The following VSNL1 variants were observed in gnomAD, a reference collection of about 807,000 sequenced individuals.
The protein encoded by VSNL1 is visinin like 1.
VSNL1 carries 6 observed loss-of-function variants against 20.4 expected under a neutral mutation model. The observed-to-expected ratio is 0.29, with a 90% CI of 0.16 to 0.58. The LOEUF (loss-of-function observed/expected upper bound fraction) is 0.58, where lower values mean the gene tolerates loss of function less well. VSNL1 is among the 20% of genes least tolerant of loss of function. The probability of loss-of-function intolerance (pLI) is 0.90; values close to 1 mark genes in which losing one functional copy is unlikely to be tolerated. For missense variants in VSNL1, 100 were observed against 234.5 expected (o/e 0.43, Z 3.75); for synonymous variants, 93 against 86.4 (o/e 1.08, Z -0.42).
chr2:17,603,678 T>C (rs1006585815), intron 2 of VSNL1, among the ~76,000 whole-genome samples: 4 of 152,160 alleles, frequency 2.6e-5, no homozygotes, highest in African/African-American at 9.7e-5. Flanking sequence ...AGGTCCTGAA[T>C]GTGGTATACA....
chr2:17,571,684 T>G (rs1452382832), intron 1 of VSNL1, among the ~76,000 whole-genome samples: 1 of 152,206 alleles, frequency 6.6e-6, no homozygotes, highest in Non-Finnish European at 1.5e-5. Flanking sequence ...GGAGCTTACA[T>G]TCTAGTGAAA....
intron 2 of VSNL1, among the ~76,000 whole-genome samples, chr2:17,642,784 C>A (rs924115367): frequency 4.6e-5 from 7 of 152,306 alleles, no homozygotes; most frequent in Admixed American, 1.3e-4. Flanking sequence ...TTATCTTGTC[C>A]CGGGAGGCGA....
chr2:17,571,536 A>G (rs1460721810), intron 1 of VSNL1, among the ~76,000 whole-genome samples: 1 of 152,220 alleles, frequency 6.6e-6, no homozygotes, highest in Non-Finnish European at 1.5e-5. Flanking sequence ...AGTCATCACT[A>G]TCAAGATAGC....
chr2:17,554,478 G>C (rs957567711), intron 1 of VSNL1, among the ~76,000 whole-genome samples: 3 of 152,176 alleles, frequency 2.0e-5, no homozygotes, highest in African/African-American at 7.2e-5. Context: ...TCTAGGATTA[G>C]ATAGAAGTAC....
intron 2 of VSNL1, among the ~76,000 whole-genome samples, chr2:17,601,898 C>A (rs191441251): frequency 2.6e-5 from 4 of 151,004 alleles, no homozygotes; most frequent in Non-Finnish European, 5.9e-5. Flanking sequence ...ATTGTGCCAC[C>A]GCACTCCAGC....
chr2:17,579,202 G>A (rs1193668648), intron 1 of VSNL1, among the ~76,000 whole-genome samples: 3 of 151,480 alleles, frequency 2.0e-5, no homozygotes, highest in Admixed American at 1.3e-4. Context: ...TGCAAGCTCC[G>A]CCTCCCGGGT....
intron 1 of VSNL1, among the ~76,000 whole-genome samples, chr2:17,566,726 T>G (rs1036825105): frequency 1.3e-5 from 2 of 152,194 alleles, no homozygotes; most frequent in East Asian, 3.8e-4. Flanking sequence ...TAGTTGGATT[T>G]ATCAACCTCT....
At chr2:17,594,495 A>C (rs1254156482) in intron 2 of VSNL1, among the ~76,000 whole-genome samples, 1 of 152,240 alleles carries the variant, frequency 6.6e-6, no homozygotes, top group African/African-American at 2.4e-5. Flanking sequence ...GGCCCAGAAG[A>C]TGGGCTGATG....
chr2:17,623,903 G>A (rs1321188796), intron 2 of VSNL1, among the ~76,000 whole-genome samples: 7 of 152,260 alleles, frequency 4.6e-5, no homozygotes, highest in African/African-American at 1.7e-4. Context: ...ACTGTTAATT[G>A]ATTCCCTGGT....
At position 17,579,122 on chromosome 2, in the gene VSNL1, A is replaced by AT. The variant is rs1259773050; in HGVS notation, c.-5-12937dup. 4.4e-3 allele frequency among the ~76,000 whole-genome samples: 624 copies of AT among 140,316 alleles called. 2 individuals carry two copies. The highest frequency in any genetic ancestry group is 8.5e-3 in the South Asian group (38 of 4,446). 92.1% of individuals were successfully genotyped at this position (140,316 alleles called of 152,430 possible). On this transcript the variant is annotated intron_variant, in intron 1 of 3. Coordinates refer to ENST00000295156, the MANE Select transcript of VSNL1 (RefSeq NM_003385.5). Reference sequence around the variant, plus strand: ...CTTCTTTCTTTCTTTCTTTTTTTTTATTTTTTTTTTTGAGACGGAGTCTCG... The same window carrying AT: ...CTTCTTTCTTTCTTTCTTTTTTTTTATTTTTTTTTTTTGAGACGGAGTCTCG...
intron 2 of VSNL1, among the ~76,000 whole-genome samples, chr2:17,594,060 A>T (rs1310655202): frequency 1.3e-5 from 2 of 152,254 alleles, no homozygotes; most frequent in African/African-American, 2.4e-5. Flanking sequence ...TTGAAGAAAT[A>T]GTTGAAATGC....
At chr2:17,580,209 C>T (rs1469412110) in intron 1 of VSNL1, among the ~76,000 whole-genome samples, 2 of 152,300 alleles carry the variant, frequency 1.3e-5, no homozygotes, top group South Asian at 2.1e-4. Flanking sequence ...TAGATCACCA[C>T]TTCTGGGTGC....
chr2:17,562,363 C>G (rs577816876), intron 1 of VSNL1, among the ~76,000 whole-genome samples: 1 of 152,274 alleles, frequency 6.6e-6, no homozygotes. Context: ...ATTCCCCCAC[C>G]TTCAGACTTC....
At position 17,655,554 on chromosome 2, in the gene VSNL1, C is replaced by A. The variant is rs1012615358; in HGVS notation, c.*160C>A. ...ACTTGCTTCTTGTGTTTGAAACACT[C>A]GTGTGCATGAGAATGTCATTTGCTA... On this transcript the variant is annotated 3_prime_UTR_variant, in exon 4 of 4. Transcript: ENST00000295156. The surrounding 1 kb of genome is among the most constrained non-coding windows in gnomAD (Gnocchi z 5.2). 3.4e-5 allele frequency: 22 copies of A among 651,742 alleles called. No individual in the cohort carries two copies. The highest frequency in any genetic ancestry group is 5.6e-5 in the Non-Finnish European group (22 of 394,074). The allele number at this position is 651,742 out of a possible 1,614,324, so 40.4% of individuals were successfully genotyped here.
intron 1 of VSNL1, among the ~76,000 whole-genome samples, chr2:17,565,270 A>T (rs1266005643): frequency 6.6e-6 from 1 of 152,208 alleles, no homozygotes; most frequent in Non-Finnish European, 1.5e-5. Flanking sequence ...AATTTCAAAC[A>T]TACAGAAAAA....
At chr2:17,594,844 T>TA (rs1423792276) in intron 2 of VSNL1, among the ~76,000 whole-genome samples, 27 of 152,234 alleles carry the variant, frequency 1.8e-4, no homozygotes, top group Admixed American at 1.8e-3. Context: ...CTCCCAACTT[T>TA]AAAAGCCCTT....
At chr2:17,542,815 C>T (rs1663317713) in intron 1 of VSNL1, among the ~76,000 whole-genome samples, 1 of 152,214 alleles carries the variant, frequency 6.6e-6, no homozygotes, top group South Asian at 2.1e-4. Flanking sequence ...GTCCCTGGCT[C>T]ATAGGTTGAC....
intron 2 of VSNL1, among the ~76,000 whole-genome samples, chr2:17,648,290 G>T (rs1666041570): frequency 6.6e-6 from 1 of 152,192 alleles, no homozygotes; most frequent in African/African-American, 2.4e-5. Flanking sequence ...CAGGAGGAGT[G>T]GGCAGCAGAG....
intron 1 of VSNL1, among the ~76,000 whole-genome samples, chr2:17,585,800 C>CTTTTTT (rs1383820699): frequency 6.7e-6 from 1 of 148,212 alleles, no homozygotes; most frequent in African/African-American, 2.5e-5. Context: ...TCTTGGAATT[C>CTTTTTT]TTTTTTTCTT....
Sources: allele counts gnomAD v4.1 joint callset (sites outside exome capture counted in the v4.1 genomes callset), GRCh38; gene constraint gnomAD v4.1.1; non-coding constraint Gnocchi (gnomAD v3.1); transcripts MANE v1.5; gene names NCBI Gene and HGNC (gene_info 2026-07-23, HGNC 2026-07-21).